Variants in ERC1 observed in about 807,000 individuals in gnomAD.
ERC1 encodes ELKS/RAB6-interacting/CAST family member 1.
A neutral mutation model predicts 132.0 loss-of-function variants in ERC1; 56 were observed. The ratio of observed to expected loss-of-function variants is 0.42; its 90% CI spans 0.34 to 0.53. ERC1 has a LOEUF of 0.53. Ranked by LOEUF, ERC1 falls within the 20% of genes least tolerant of loss-of-function variation. The pLI is 0.03. For missense variants in ERC1, 1,202 were observed against 1,349.9 expected (o/e 0.89, Z 1.72); for synonymous variants, 478 against 476.1 (o/e 1.00, Z -0.05).
intron 12 of ERC1, among the ~76,000 whole-genome samples, chr12:1,223,688 A>G (rs1158989408): frequency 6.6e-6 from 1 of 152,162 alleles, no homozygotes; most frequent in African/African-American, 2.4e-5. Context: ...GGAGAGAGTT[A>G]AATCTTTTAT....
intron 2 of ERC1, among the ~76,000 whole-genome samples, chr12:1,033,752 C>G (rs1968530623): frequency 6.6e-6 from 1 of 152,262 alleles, no homozygotes; most frequent in South Asian, 2.1e-4. Context: ...GCCTCAGCCT[C>G]CCAAGTAGCT....
intron 16 of ERC1, among the ~76,000 whole-genome samples, chr12:1,405,751 A>G (rs927401341): frequency 5.9e-5 from 9 of 151,772 alleles, no homozygotes; most frequent in Non-Finnish European, 8.8e-5. Context: ...CTGTGTAGCC[A>G]GTTAAAAGTA....
intron 16 of ERC1, among the ~76,000 whole-genome samples, chr12:1,402,368 A>G (rs183450385): frequency 6.4e-4 from 98 of 152,300 alleles, no homozygotes; most frequent in Middle Eastern, 6.8e-3. Flanking sequence ...CGTCTCTACT[A>G]AAAATACAAA....
intron 1 of ERC1, among the ~76,000 whole-genome samples, chr12:1,007,540 C>CTCTGTGTGTGTGTG (rs1555194875): frequency 0.03 from 3,651 of 122,668 alleles, 120 homozygotes; most frequent in African/African-American, 0.066. Context: ...CTCTCTCTCT[C>CTCTGTGTGTGTGTG]TGTGTGTGTG....
intron 14 of ERC1, among the ~76,000 whole-genome samples, chr12:1,273,716 A>G (rs960101075): frequency 1.3e-5 from 2 of 152,168 alleles, no homozygotes; most frequent in Non-Finnish European, 2.9e-5. Context: ...ACTCTATAGT[A>G]TGTTGGACAG....
rs558924709 is a variant in ERC1, at chr12:1,132,980, C to T, written c.1570-8640C>T. On this transcript the variant is annotated intron_variant, in intron 7 of 18. Coordinates refer to ENST00000360905, the MANE Select transcript of ERC1 (RefSeq NM_178040.4). ...AAGTGATTCTCCTGCTTCAGCCTCC[C>T]GAGTAGCTGGGATTACAGGCATGCA... 1.1e-4 allele frequency among the ~76,000 whole-genome samples: 16 copies of T among 151,978 alleles called. 1 individual carries two copies. Among genetic ancestry groups the T allele is most frequent in the South Asian group, 4.2e-4 (2 of 4,800 alleles).
intron 2 of ERC1, among the ~76,000 whole-genome samples, chr12:1,059,503 T>A (rs1467142283): frequency 1.3e-5 from 2 of 152,222 alleles, no homozygotes; most frequent in Non-Finnish European, 2.9e-5. Context: ...TGTTGAGGTA[T>A]GTTCCTTTAT....
chr12:1,477,734 C>T (rs2094002987), intron 18 of ERC1, among the ~76,000 whole-genome samples: 1 of 152,160 alleles, frequency 6.6e-6, no homozygotes, highest in Non-Finnish European at 1.5e-5. Context: ...AGAATGTTAC[C>T]AGTGCCGAAG....
rs55815001 is a variant in ERC1 at position 1,386,651 on chromosome 12, C to CAAAAAAAAAAAAAAAAAAA, written c.2925+14688_2925+14689insAAAAAAAAAAAAAAAAAAA. The CAAAAAAAAAAAAAAAAAAA allele has an allele frequency of 2.1e-4, 16 of 75,698 alleles. 1 individual carries two copies. The highest frequency in any genetic ancestry group is 9.9e-4 in the African/African-American group (14 of 14,200). The allele number at this position is 75,698 out of a possible 1,614,324, so 4.7% of individuals were successfully genotyped here. On this transcript the variant is annotated intron_variant, in intron 16 of 18. Transcript: ENST00000360905. ...TGGGCAACAGAGCAAGACTTCGTCT[C>CAAAAAAAAAAAAAAAAAAA]AAAAAAAAAAAAAACATTAAAAAGT... is the stretch of plus-strand genomic sequence containing the variant.
chr12:1,285,493 G>A (rs1422161094), intron 14 of ERC1, among the ~76,000 whole-genome samples: 1 of 152,114 alleles, frequency 6.6e-6, no homozygotes, highest in African/African-American at 2.4e-5. Context: ...GAATGATAGA[G>A]GGTTCACAAC....
At chr12:1,115,674 A>G in intron 6 of ERC1, 192 bp from the exon 7 acceptor site, 2 of 446,622 alleles carry the variant, frequency 4.5e-6, no homozygotes, top group Non-Finnish European at 7.9e-6. Context: ...TTGGTTGAAT[A>G]AGTTTAGTGG....
intron 7 of ERC1, among the ~76,000 whole-genome samples, chr12:1,118,139 T>C (rs1946655500): frequency 6.6e-6 from 1 of 152,180 alleles, no homozygotes; most frequent in Non-Finnish European, 1.5e-5. Flanking sequence ...TTCAGTAGCT[T>C]GAGTGCATGC....
rs190681739 is a variant in ERC1 at position 1,035,698 on chromosome 12, G to A, written c.669+7126G>A. On this transcript the variant is annotated intron_variant, in intron 2 of 18. Transcript: ENST00000360905. ...AGCACTTTGGGAGGCTGAGGTGGGC[G>A]GATCACGAGGTCAGGAGATCGAGAC... 8.9e-3 allele frequency among the ~76,000 whole-genome samples: 1,359 copies of A among 152,096 alleles called. 28 individuals are homozygous for A. The highest frequency in any genetic ancestry group is 0.031 in the African/African-American group (1,293 of 41,484).
At chr12:1,261,621 A>C (rs1375244255) in intron 13 of ERC1, among the ~76,000 whole-genome samples, 1 of 152,188 alleles carries the variant, frequency 6.6e-6, no homozygotes, top group East Asian at 1.9e-4. Flanking sequence ...TGCTCATGGC[A>C]AGTCAACAGA....
chr12:1,192,943 C>T (rs191883085), intron 12 of ERC1, among the ~76,000 whole-genome samples: 2 of 152,212 alleles, frequency 1.3e-5, no homozygotes, highest in Admixed American at 1.3e-4. Flanking sequence ...TAAATAGTTC[C>T]TCAACTAATG....
intron 13 of ERC1, among the ~76,000 whole-genome samples, chr12:1,256,004 A>G (rs939924802): frequency 3.3e-5 from 5 of 151,968 alleles, no homozygotes; most frequent in African/African-American, 1.2e-4. Flanking sequence ...ACCAGTGATG[A>G]TGAGCATTTT....
chr12:1,438,807 G>A (rs1473596754), intron 17 of ERC1, among the ~76,000 whole-genome samples: 1 of 152,034 alleles, frequency 6.6e-6, no homozygotes, highest in East Asian at 1.9e-4. Context: ...GCCGGGTATG[G>A]TGGTGCATGC....
At chr12:1,412,125 T>A (rs569726465) in intron 17 of ERC1, among the ~76,000 whole-genome samples, 1 of 152,374 alleles carries the variant, frequency 6.6e-6, no homozygotes, top group East Asian at 1.9e-4. Flanking sequence ...AACCTCATTA[T>A]ATCATAAGGA....
At position 1,492,803 on chromosome 12, in the gene ERC1, C is replaced by G. The variant is rs988210815; in HGVS notation, c.*2573C>G. On this transcript the variant is annotated 3_prime_UTR_variant, in exon 19 of 19. Transcript: ENST00000360905. Reference sequence around the variant, plus strand: ...ATGCAGTTTGTAGCTTTCAGAGTGTCTCATTGAGTCTAGATCATTGAACCA... The same window carrying G: ...ATGCAGTTTGTAGCTTTCAGAGTGTGTCATTGAGTCTAGATCATTGAACCA... The G allele has an allele frequency of 4.3e-6, 1 of 231,722 alleles. No individual in the cohort carries two copies. The allele number at this position is 231,722 out of a possible 1,614,324, so 14.4% of individuals were successfully genotyped here.
Sources: gnomAD v4.1 joint callset for allele counts (sites outside exome capture counted in the v4.1 genomes callset) on GRCh38, gnomAD v4.1.1 for gene constraint, MANE v1.5 for transcripts, NCBI Gene and HGNC (gene_info 2026-07-23, HGNC 2026-07-21) for gene names.